Variants in RBKS observed in about 807,000 individuals in gnomAD.
RBKS encodes ribokinase.
A neutral mutation model predicts 33.9 loss-of-function variants in RBKS; 33 were observed. That is an observed-to-expected ratio of 0.97 (90% confidence interval 0.74 to 1.30). The LOEUF (loss-of-function observed/expected upper bound fraction) is 1.30. RBKS is among the 50% of genes most tolerant of loss of function. The probability of loss-of-function intolerance (pLI) is 0.00; values close to 1 mark genes in which losing one functional copy is unlikely to be tolerated. For synonymous variants in RBKS, 125 were observed against 143.0 expected (o/e 0.87, Z 0.90); for missense variants, 361 against 392.6 (o/e 0.92, Z 0.68).
intron 7 of RBKS, among the ~76,000 whole-genome samples, chr2:27,818,823 A>G (rs1678146291): frequency 6.6e-6 from 1 of 152,208 alleles, no homozygotes; most frequent in African/African-American, 2.4e-5. Flanking sequence ...TTAGATGAAC[A>G]ACCTGAGCCC....
In RBKS at chr2:27,856,945, A is replaced by C. The variant is rs1250078654; in HGVS notation, c.222+1494T>G. Among the ~76,000 whole-genome samples the C allele has an allele frequency of 2.0e-5, 3 of 152,234 alleles. No individual in the cohort carries two copies. The East Asian group carries it at 5.8e-4, about 29-fold the overall frequency. ...ACATAATTAATTGCTGATTAATTAC[A>C]CTGATATTTTAAATCTATCAAGAGC... On this transcript the variant is annotated intron_variant, in intron 2 of 7. Transcript: ENST00000302188.
chr2:27,847,161 T>C (rs979773510), intron 3 of RBKS, 57 bp from the exon 4 acceptor site: 26 of 1,000,696 alleles, frequency 2.6e-5, no homozygotes, highest in Non-Finnish European at 3.9e-5. Flanking sequence ...GGATAATTTA[T>C]TTTAACAATT....
At chr2:27,799,674 T>A (rs1292068934) in intron 7 of RBKS, among the ~76,000 whole-genome samples, 1 of 152,232 alleles carries the variant, frequency 6.6e-6, no homozygotes, top group Non-Finnish European at 1.5e-5. Flanking sequence ...CACCAGGGTC[T>A]CTGTTACCTC....
intron 1 of RBKS, among the ~76,000 whole-genome samples, chr2:27,887,520 G>A (rs145139862): frequency 3.3e-4 from 51 of 152,266 alleles, no homozygotes; most frequent in African/African-American, 1.2e-3. Flanking sequence ...CACAGATGCA[G>A]GGTTTTAAAT....
intron 7 of RBKS, among the ~76,000 whole-genome samples, chr2:27,793,860 A>G (rs1486916927): frequency 2.0e-5 from 3 of 152,212 alleles, no homozygotes; most frequent in African/African-American, 7.2e-5. Context: ...TCAAATAGAA[A>G]AAAGGATGAT....
At chr2:27,858,221 G>A (rs1653402464) in intron 2 of RBKS, among the ~76,000 whole-genome samples, 1 of 152,200 alleles carries the variant, frequency 6.6e-6, no homozygotes, top group Non-Finnish European at 1.5e-5. Context: ...ACAGAATGAG[G>A]AGGAACTGCT....
chr2:27,858,329 G>T, intron 2 of RBKS, 110 bp downstream of exon 2: 1 of 1,003,902 alleles, frequency 1.0e-6, no homozygotes, highest in Non-Finnish European at 1.4e-6. Context: ...TGTATTACAT[G>T]CCACTGAACT....
chr2:27,852,711 T>C (rs1663774354), intron 2 of RBKS, among the ~76,000 whole-genome samples: 1 of 152,088 alleles, frequency 6.6e-6, no homozygotes, highest in Admixed American at 6.5e-5. Flanking sequence ...CCACATGAAA[T>C]TGAATATTCT....
At chr2:27,852,002 T>C (rs1247483636) in intron 2 of RBKS, among the ~76,000 whole-genome samples, 1 of 152,216 alleles carries the variant, frequency 6.6e-6, no homozygotes, top group Non-Finnish European at 1.5e-5. Flanking sequence ...GAAACCCGCA[T>C]AGTCTGAGAT....
intron 7 of RBKS, among the ~76,000 whole-genome samples, chr2:27,801,374 C>T (rs1001685149): frequency 2.6e-5 from 4 of 151,792 alleles, no homozygotes; most frequent in African/African-American, 9.7e-5. Flanking sequence ...GGGGCTATAT[C>T]TCCCCGAAAG....
chr2:27,874,136 CAT>C (rs1291229401), intron 1 of RBKS, among the ~76,000 whole-genome samples: 4 of 152,042 alleles, frequency 2.6e-5, no homozygotes, highest in African/African-American at 9.7e-5. Context: ...CCTTGAAGAT[CAT>C]ATGACAAAAA....
chr2:27,788,612 C>T (rs1011335259), intron 7 of RBKS, among the ~76,000 whole-genome samples: 2 of 152,112 alleles, frequency 1.3e-5, no homozygotes, highest in African/African-American at 2.4e-5. Context: ...GAGGCTGAGG[C>T]AGGTGAATGG....
intron 1 of RBKS, among the ~76,000 whole-genome samples, chr2:27,888,257 A>T (rs2148236964): frequency 6.6e-6 from 1 of 152,064 alleles, no homozygotes; most frequent in African/African-American, 2.4e-5. Flanking sequence ...CCTCCTGAGT[A>T]GCTGGAATCA....
rs546354301 is a variant in RBKS at position 27,829,626 on chromosome 2, C to T, written c.607-1871G>A. ...TCGTGATCCACCTGCCTTGGCCTCC[C>T]AAAGTGCTGGGATTACAGGCGTGAG... On this transcript the variant is annotated intron_variant, in intron 6 of 7. Coordinates refer to ENST00000302188, the MANE Select transcript of RBKS (RefSeq NM_022128.3). 1.8e-3 allele frequency among the ~76,000 whole-genome samples: 277 copies of T among 152,276 alleles called. 1 individual carries two copies. Among genetic ancestry groups the T allele is most frequent in the African/African-American group, 6.4e-3 (266 of 41,564 alleles).
chr2:27,827,310 C>A (rs547984285), intron 7 of RBKS, among the ~76,000 whole-genome samples: 4 of 152,284 alleles, frequency 2.6e-5, no homozygotes, highest in Admixed American at 2.6e-4. Flanking sequence ...ACAGGTAACA[C>A]AGGTATAATT....
chr2:27,835,785 T>A (rs1558545515), intron 5 of RBKS, among the ~76,000 whole-genome samples: 1 of 152,000 alleles, frequency 6.6e-6, no homozygotes, highest in Non-Finnish European at 1.5e-5. Context: ...GTATTTACAT[T>A]TATACACTTA....
At chr2:27,843,588 G>A (rs781137512) in intron 4 of RBKS, among the ~76,000 whole-genome samples, 1 of 152,150 alleles carries the variant, frequency 6.6e-6, no homozygotes, top group African/African-American at 2.4e-5. Flanking sequence ...AATCCTAAAT[G>A]ACAGATGCCA....
chr2:27,865,150 C>T (rs999794082), intron 1 of RBKS, among the ~76,000 whole-genome samples: 10 of 152,148 alleles, frequency 6.6e-5, no homozygotes, highest in Non-Finnish European at 1.5e-4. Flanking sequence ...GAAACCTCAT[C>T]TCTACTAAAA....
chr2:27,883,446 G>A (rs1439002178), intron 1 of RBKS, among the ~76,000 whole-genome samples: 1 of 152,186 alleles, frequency 6.6e-6, no homozygotes, highest in African/African-American at 2.4e-5. Flanking sequence ...TGATCTGCCC[G>A]CCTCGGCCTC....
Sources: allele counts gnomAD v4.1 joint callset (sites outside exome capture counted in the v4.1 genomes callset), GRCh38; gene constraint gnomAD v4.1.1; transcripts MANE v1.5; gene names NCBI Gene and HGNC (gene_info 2026-07-23, HGNC 2026-07-21).